The following TNIK variants were observed in gnomAD, a reference collection of about 807,000 sequenced individuals.
TNIK encodes TRAF2 and NCK interacting kinase.
Under a neutral mutation model 191.3 loss-of-function variants are expected in TNIK, and 49 were observed. The observed-to-expected ratio is 0.26, with a 90% CI of 0.20 to 0.32. The LOEUF (loss-of-function observed/expected upper bound fraction) is 0.32, where lower values mean the gene tolerates loss of function less well. TNIK is among the 10% of genes least tolerant of loss of function. TNIK has a pLI of 1.00. For synonymous variants in TNIK, 594 were observed against 600.9 expected (o/e 0.99, Z 0.17); for missense variants, 1,155 against 1,702.3 (o/e 0.68, Z 5.66).
chr3:171,222,478 C>T (rs1742473135), intron 3 of TNIK, among the ~76,000 whole-genome samples: 3 of 152,034 alleles, frequency 2.0e-5, no homozygotes, highest in East Asian at 3.9e-4. Context: ...CTGTGCCTAT[C>T]GTCATTATTA....
intron 7 of TNIK, among the ~76,000 whole-genome samples, chr3:171,179,287 G>A (rs973046840): frequency 1.3e-5 from 2 of 152,178 alleles, no homozygotes; most frequent in Non-Finnish European, 2.9e-5. Flanking sequence ...TGCACCCCGT[G>A]TTTCTCTGGC....
chr3:171,429,231 A>G (rs1725035188), intron 1 of TNIK, among the ~76,000 whole-genome samples: 2 of 152,194 alleles, frequency 1.3e-5, no homozygotes, highest in African/African-American at 4.8e-5. Flanking sequence ...TAAGGGTATC[A>G]TGATCCCCAA....
intron 12 of TNIK, among the ~76,000 whole-genome samples, chr3:171,145,287 C>A (rs1463793948): frequency 6.6e-6 from 1 of 152,024 alleles, no homozygotes; most frequent in African/African-American, 2.4e-5. Flanking sequence ...GGGGTATCAC[C>A]GTGTTAGCCA....
At chr3:171,398,584 CCTT>C (rs941595330) in intron 1 of TNIK, among the ~76,000 whole-genome samples, 2 of 152,188 alleles carry the variant, frequency 1.3e-5, no homozygotes, top group Non-Finnish European at 2.9e-5. Context: ...CTCCCATTGT[CCTT>C]CTACTATGTA....
intron 1 of TNIK, among the ~76,000 whole-genome samples, chr3:171,454,830 C>T (rs978699694): frequency 6.6e-6 from 1 of 152,186 alleles, no homozygotes; most frequent in Non-Finnish European, 1.5e-5. Flanking sequence ...TGAGACCTCT[C>T]ACCAGAAAGT....
intron 27 of TNIK, among the ~76,000 whole-genome samples, chr3:171,080,784 G>C (rs1012803662): frequency 6.6e-6 from 1 of 152,178 alleles, no homozygotes; most frequent in Non-Finnish European, 1.5e-5. Flanking sequence ...TTTGACAGGA[G>C]AGCACATTCA....
Position 171,157,988 on chromosome 3 carries a change from A to G in TNIK, c.1017-324T>C, listed in dbSNP as rs1733451430. On this transcript the variant is annotated intron_variant, in intron 11 of 32. Transcript: ENST00000436636. ...GGGACGTGGCAAAGATTTGTTTTTA[A>G]AGACTTTAGCCAGTGTGCAAGCCAT... 1.3e-5 allele frequency among the ~76,000 whole-genome samples: 2 copies of G among 152,170 alleles called. 1 individual carries two copies. The highest frequency in any genetic ancestry group is 1.3e-4 in the Admixed American group (2 of 15,280).
rs189418135 is a variant in TNIK at position 171,264,556 on chromosome 3, T to A, written c.124-36335A>T. 1.0e-3 allele frequency among the ~76,000 whole-genome samples: 156 copies of A among 152,190 alleles called. 3 individuals are homozygous for A. In the East Asian group the frequency reaches 0.028, roughly 27 times the overall value. On this transcript the variant is annotated intron_variant, in intron 2 of 32. Transcript: ENST00000436636. ...TTTTAGTAGAGATGGGGTTTCTCCATGTTGGTCAGGCTGGTCAGTACTTGG... is the reference window on the plus strand; with the variant it reads ...TTTTAGTAGAGATGGGGTTTCTCCAAGTTGGTCAGGCTGGTCAGTACTTGG...
chr3:171,198,487 T>C (rs1739001764), intron 4 of TNIK, among the ~76,000 whole-genome samples: 1 of 152,192 alleles, frequency 6.6e-6, no homozygotes, highest in Non-Finnish European at 1.5e-5. Context: ...CATAACATTG[T>C]GACTATATTT....
At chr3:171,146,465 G>T (rs918179088) in intron 12 of TNIK, among the ~76,000 whole-genome samples, 1 of 152,084 alleles carries the variant, frequency 6.6e-6, no homozygotes, top group Non-Finnish European at 1.5e-5. Context: ...GCAATGCAAC[G>T]TGTCATTGGG....
At chr3:171,327,895 G>A (rs1342770744) in intron 2 of TNIK, among the ~76,000 whole-genome samples, 5 of 55,812 alleles carry the variant, frequency 9.0e-5, no homozygotes, top group African/African-American at 2.2e-4. Context: ...CCCAAACCTG[G>A]CTCATAAAAA....
At chr3:171,284,304 G>T (rs761762581) in intron 2 of TNIK, among the ~76,000 whole-genome samples, 2 of 152,138 alleles carry the variant, frequency 1.3e-5, no homozygotes, top group Non-Finnish European at 2.9e-5. Context: ...AACACACTCC[G>T]TTCATAGTAG....
chr3:171,241,318 C>G (rs1432970556), intron 2 of TNIK, among the ~76,000 whole-genome samples: 1 of 152,170 alleles, frequency 6.6e-6, no homozygotes, highest in Non-Finnish European at 1.5e-5. Flanking sequence ...CACTTCTGTT[C>G]TCTTTTTAAA....
intron 2 of TNIK, among the ~76,000 whole-genome samples, chr3:171,243,472 T>C (rs1745224350): frequency 6.6e-6 from 1 of 152,084 alleles, no homozygotes; most frequent in South Asian, 2.1e-4. Flanking sequence ...AGCCACATTG[T>C]TACACAACTC....
At chr3:171,342,023 T>C (rs753749004) in intron 2 of TNIK, among the ~76,000 whole-genome samples, 1 of 152,244 alleles carries the variant, frequency 6.6e-6, no homozygotes, top group Non-Finnish European at 1.5e-5. Context: ...AAAGTAACTT[T>C]GTTAATGTTT....
At chr3:171,425,477 TTC>T (rs1724429370) in intron 1 of TNIK, among the ~76,000 whole-genome samples, 1 of 152,184 alleles carries the variant, frequency 6.6e-6, no homozygotes, top group African/African-American at 2.4e-5. Flanking sequence ...CAATAATTTT[TTC>T]CTCCACATTT....
At chr3:171,219,019 ATAT>A in intron 3 of TNIK, among the ~76,000 whole-genome samples, 1 of 119,326 alleles carries the variant, frequency 8.4e-6, no homozygotes, top group South Asian at 2.5e-4. Flanking sequence ...AAATATTACT[ATAT>A]TAGTGTATTA....
intron 1 of TNIK, among the ~76,000 whole-genome samples, chr3:171,410,668 A>C (rs1722273016): frequency 6.6e-6 from 1 of 150,652 alleles, no homozygotes; most frequent in Admixed American, 6.7e-5. Context: ...AGTCCCAGCT[A>C]CTCGGGAGGC....
intron 18 of TNIK, among the ~76,000 whole-genome samples, chr3:171,113,275 T>C (rs557468352): frequency 6.6e-6 from 1 of 152,298 alleles, no homozygotes; most frequent in South Asian, 2.1e-4. Flanking sequence ...GCTTAGGCTA[T>C]TACCGACGGG....
Sources: allele counts gnomAD v4.1 joint callset (sites outside exome capture counted in the v4.1 genomes callset), GRCh38; gene constraint gnomAD v4.1.1; transcripts MANE v1.5; gene names NCBI Gene and HGNC (gene_info 2026-07-23, HGNC 2026-07-21).